GALNT2: variants seen among roughly 807,000 people sequenced by gnomAD.
The protein encoded by GALNT2 is UDP-GalNAc:polypeptide N-acetylgalactosaminyltransferase 2.
Under a neutral mutation model 81.4 loss-of-function variants are expected in GALNT2, and 31 were observed. The observed-to-expected ratio is 0.38, with a 90% CI of 0.29 to 0.51. GALNT2 has a LOEUF of 0.51. Ranked by LOEUF, GALNT2 falls within the 20% of genes least tolerant of loss-of-function variation. The pLI is 0.87. For missense variants in GALNT2, 629 were observed against 765.7 expected (o/e 0.82, Z 2.11); for synonymous variants, 303 against 287.4 (o/e 1.05, Z -0.55).
chr1:230,153,176 A>G (rs1198702187), intron 1 of GALNT2, among the ~76,000 whole-genome samples: 1 of 152,170 alleles, frequency 6.6e-6, no homozygotes, highest in Non-Finnish European at 1.5e-5. Flanking sequence ...CGATCTTCTT[A>G]TCTCAGTCTG....
intron 1 of GALNT2, among the ~76,000 whole-genome samples, chr1:230,169,827 C>A (rs1662735952): frequency 6.6e-6 from 1 of 152,178 alleles, no homozygotes; most frequent in Non-Finnish European, 1.5e-5. Flanking sequence ...ATGTATAAAG[C>A]AGTTTGTGAC....
At position 230,096,841 on chromosome 1, in the gene GALNT2, C is replaced by G. The variant is rs529560336; in HGVS notation, c.126+29435C>G. On this transcript the variant is annotated intron_variant, in intron 1 of 15. Coordinates refer to ENST00000366672, the MANE Select transcript of GALNT2 (RefSeq NM_004481.5). ...TTAATTCACTCAGAGGTCCTCCAAC[C>G]CAGCCTCTCATTCAGTAAAGACTTC... 2.6e-5 allele frequency among the ~76,000 whole-genome samples: 4 copies of G among 152,296 alleles called. No individual in the cohort carries two copies. In the East Asian group the frequency reaches 7.7e-4, roughly 29 times the overall value.
intron 1 of GALNT2, among the ~76,000 whole-genome samples, chr1:230,163,705 T>C (rs1662508865): frequency 6.6e-6 from 1 of 152,174 alleles, no homozygotes; most frequent in Non-Finnish European, 1.5e-5. Flanking sequence ...TGAGACGAAG[T>C]GTGTGGAAAG....
At chr1:230,219,325 T>C (rs773284939) in intron 3 of GALNT2, among the ~76,000 whole-genome samples, 6 of 152,172 alleles carry the variant, frequency 3.9e-5, no homozygotes, top group South Asian at 2.1e-4. Flanking sequence ...ATTCCCCGTA[T>C]GTTGCTCTGG....
chr1:230,172,792 CTTAA>C lies in GALNT2; in HGVS notation c.127-5422_127-5419del, dbSNP rs1238943818. 2.6e-5 allele frequency among the ~76,000 whole-genome samples: 4 copies of C among 152,242 alleles called. No individual in the cohort carries two copies. The East Asian group carries it at 5.8e-4, about 22-fold the overall frequency. On this transcript the variant is annotated intron_variant, in intron 1 of 15. Coordinates refer to ENST00000366672, the MANE Select transcript of GALNT2 (RefSeq NM_004481.5). ...ATTAACAACGAAACCTATATTTACACTTAATTAGTTTCCATAACTATTTAATAAA... is the reference window on the plus strand; with the variant it reads ...ATTAACAACGAAACCTATATTTACACTTAGTTTCCATAACTATTTAATAAA...
chr1:230,229,354 G>C (rs756924957), intron 3 of GALNT2, among the ~76,000 whole-genome samples: 8 of 152,208 alleles, frequency 5.3e-5, no homozygotes, highest in Non-Finnish European at 1.2e-4. Flanking sequence ...GGCCTCTCTA[G>C]TAATCAGGTA....
intron 3 of GALNT2, among the ~76,000 whole-genome samples, chr1:230,217,607 G>C (rs969608485): frequency 7.2e-5 from 11 of 152,226 alleles, no homozygotes; most frequent in African/African-American, 2.7e-4. Flanking sequence ...ACAAAGAACA[G>C]AAGTTTACTT....
intron 1 of GALNT2, among the ~76,000 whole-genome samples, chr1:230,084,285 T>C (rs1659836302): frequency 6.6e-6 from 1 of 151,902 alleles, no homozygotes; most frequent in Admixed American, 6.6e-5. Context: ...TGGGGCTCCA[T>C]GAGAGGTGAG....
chr1:230,176,848 A>G (rs1662995100), intron 1 of GALNT2, among the ~76,000 whole-genome samples: 1 of 152,234 alleles, frequency 6.6e-6, no homozygotes, highest in Non-Finnish European at 1.5e-5. Context: ...TAAGACTTGC[A>G]AAAGTACATG....
intron 1 of GALNT2, among the ~76,000 whole-genome samples, chr1:230,112,556 G>C (rs1013904357): frequency 2.0e-5 from 3 of 152,166 alleles, no homozygotes; most frequent in Non-Finnish European, 2.9e-5. Context: ...GGCCACACAG[G>C]CAGTCTGCTG....
At chr1:230,115,896 A>G (rs1660829824) in intron 1 of GALNT2, among the ~76,000 whole-genome samples, 1 of 152,196 alleles carries the variant, frequency 6.6e-6, no homozygotes, top group African/African-American at 2.4e-5. Context: ...TCAGGAAACC[A>G]CTTTCTTTGC....
intron 1 of GALNT2, among the ~76,000 whole-genome samples, chr1:230,139,425 A>G (rs1257027444): frequency 6.6e-6 from 1 of 152,088 alleles, no homozygotes; most frequent in Non-Finnish European, 1.5e-5. Flanking sequence ...CTTCTAGGCT[A>G]AGACAGCACA....
At chr1:230,143,778 G>A (rs961406666) in intron 1 of GALNT2, among the ~76,000 whole-genome samples, 2 of 152,202 alleles carry the variant, frequency 1.3e-5, no homozygotes, top group African/African-American at 2.4e-5. Flanking sequence ...ACATTGATGC[G>A]CCAACCAGAT....
intron 8 of GALNT2, 124 bp downstream of exon 8, chr1:230,246,274 G>A: frequency 1.3e-6 from 1 of 754,186 alleles, no homozygotes; most frequent in Non-Finnish European, 2.3e-6. Flanking sequence ...TGTGTTCTGA[G>A]TAAAAACCAC....
intron 1 of GALNT2, among the ~76,000 whole-genome samples, chr1:230,082,185 A>G (rs1253522814): frequency 6.6e-6 from 1 of 152,158 alleles, no homozygotes. Context: ...CCTTTGGGCA[A>G]TGTGGAGTTG....
chr1:230,244,763 A>G (rs1665312919), intron 7 of GALNT2, among the ~76,000 whole-genome samples: 1 of 152,176 alleles, frequency 6.6e-6, no homozygotes, highest in Non-Finnish European at 1.5e-5. Flanking sequence ...CAGGCAAGGA[A>G]AGTTGTGTTC....
intron 3 of GALNT2, among the ~76,000 whole-genome samples, chr1:230,235,431 C>T (rs1029152752): frequency 1.3e-5 from 2 of 152,124 alleles, no homozygotes; most frequent in Non-Finnish European, 2.9e-5. Flanking sequence ...TGTACCCTCA[C>T]TCCATCTCCC....
upstream of GALNT2, among the ~76,000 whole-genome samples, chr1:230,057,826 G>A (rs1327776280): frequency 1.3e-5 from 2 of 152,216 alleles, no homozygotes; most frequent in Non-Finnish European, 2.9e-5. Context: ...GAGCTGCGGG[G>A]CGTCTTGAGA....
At chr1:230,226,727 C>G (rs77765045) in intron 3 of GALNT2, among the ~76,000 whole-genome samples, 2,535 of 152,356 alleles carry the variant, frequency 0.017, 66 homozygotes, top group African/African-American at 0.058. Context: ...GGACATTTCT[C>G]CCCCTCCCCA....
Sources: gnomAD v4.1 joint callset for allele counts (sites outside exome capture counted in the v4.1 genomes callset) on GRCh38, gnomAD v4.1.1 for gene constraint, MANE v1.5 for transcripts, NCBI Gene and HGNC (gene_info 2026-07-23, HGNC 2026-07-21) for gene names.